FSTL5: variants seen among roughly 807,000 people sequenced by gnomAD.
The protein encoded by FSTL5 is follistatin-related protein 5.
In FSTL5, 62 loss-of-function variants were observed where a neutral mutation model predicts 89.1. The observed-to-expected ratio is 0.70, with a 90% confidence interval of 0.57 to 0.86. FSTL5 has a LOEUF of 0.86. FSTL5 is among the 40% of genes least tolerant of loss of function. The probability of loss-of-function intolerance (pLI) is 0.00; values close to 1 mark genes in which losing one functional copy is unlikely to be tolerated. For missense variants in FSTL5, 1,057 were observed against 1,001.6 expected (o/e 1.06, Z -0.75); for synonymous variants, 383 against 346.2 (o/e 1.11, Z -1.18).
chr4:161,609,163 C>A (rs1734556284), intron 7 of FSTL5, among the ~76,000 whole-genome samples: 1 of 152,036 alleles, frequency 6.6e-6, no homozygotes, highest in Non-Finnish European at 1.5e-5. Flanking sequence ...CAATGCCTGG[C>A]ACATACACAG....
intron 3 of FSTL5, among the ~76,000 whole-genome samples, chr4:161,987,590 T>C (rs28716903): frequency 6.8e-6 from 1 of 147,320 alleles, no homozygotes; most frequent in African/African-American, 2.5e-5. Flanking sequence ...AAATATATAA[T>C]AAAATATATA....
chr4:162,008,437 T>C (rs924147303), intron 3 of FSTL5, among the ~76,000 whole-genome samples: 2 of 151,842 alleles, frequency 1.3e-5, no homozygotes, highest in African/African-American at 4.8e-5. Flanking sequence ...TGATAAGAAA[T>C]ACTGCTATTT....
intron 2 of FSTL5, among the ~76,000 whole-genome samples, chr4:162,110,202 T>C (rs1171249409): frequency 6.6e-6 from 1 of 152,054 alleles, no homozygotes; most frequent in African/African-American, 2.4e-5. Context: ...ATTAATATAT[T>C]TAATAAATGT....
At chr4:161,827,113 G>C (rs1445116779) in intron 4 of FSTL5, among the ~76,000 whole-genome samples, 1 of 152,124 alleles carries the variant, frequency 6.6e-6, no homozygotes, top group Non-Finnish European at 1.5e-5. Context: ...GGACTCAAGG[G>C]CTGCTCTTAA....
chr4:162,061,983 T>A (rs1475467428), intron 2 of FSTL5, among the ~76,000 whole-genome samples: 3 of 152,074 alleles, frequency 2.0e-5, no homozygotes, highest in Non-Finnish European at 4.4e-5. Context: ...AATAAATGTT[T>A]TAAAGTGTTA....
At position 161,385,033 on chromosome 4, in the gene FSTL5, C is replaced by T. The variant is rs1320349303; in HGVS notation, c.*714G>A. On this transcript the variant is annotated 3_prime_UTR_variant, in exon 16 of 16. Coordinates refer to ENST00000306100, the MANE Select transcript of FSTL5 (RefSeq NM_020116.5). ...AATATTTTGACTGTAATTATTTTTC[C>T]TCCCTTCCTCCCCACTTTCTATAGC... The T allele has an allele frequency of 1.3e-5, 2 of 152,046 alleles. No homozygotes were observed. The highest frequency in any genetic ancestry group is 1.5e-5 in the Non-Finnish European group (1 of 67,998). The allele number at this position is 152,046 out of a possible 1,614,324, so 9.4% of individuals were successfully genotyped here.
At chr4:161,499,469 G>A (rs1474865951) in intron 12 of FSTL5, among the ~76,000 whole-genome samples, 1 of 151,926 alleles carries the variant, frequency 6.6e-6, no homozygotes, top group East Asian at 1.9e-4. Context: ...TTGTCTCCAT[G>A]TATTAGTATA....
chr4:161,792,702 G>A (rs1729516830), intron 4 of FSTL5, among the ~76,000 whole-genome samples: 1 of 152,156 alleles, frequency 6.6e-6, no homozygotes, highest in African/African-American at 2.4e-5. Context: ...GGGATGTCCT[G>A]CTTGTGACTA....
intron 7 of FSTL5, among the ~76,000 whole-genome samples, chr4:161,617,056 TTAAA>T (rs1233514392): frequency 6.6e-6 from 1 of 151,322 alleles, no homozygotes; most frequent in African/African-American, 2.4e-5. Context: ...CCAAAAGACC[TTAAA>T]TAAAGTATTA....
intron 6 of FSTL5, among the ~76,000 whole-genome samples, chr4:161,690,964 C>T (rs1400232235): frequency 6.6e-6 from 1 of 152,100 alleles, no homozygotes; most frequent in Non-Finnish European, 1.5e-5. Flanking sequence ...CATTCATGTC[C>T]CTGCAAAGCA....
In FSTL5 at chr4:161,752,340, G is replaced by T. The variant is rs1316964636; in HGVS notation, c.727+7071C>A. On this transcript the variant is annotated intron_variant, in intron 6 of 15. Coordinates refer to ENST00000306100, the MANE Select transcript of FSTL5 (RefSeq NM_020116.5). ...CCATTCCTTTTCCTTTCTCGCAAAG[G>T]CTACCATCATATTAATTCTAAAATC... 2.6e-5 allele frequency among the ~76,000 whole-genome samples: 4 copies of T among 152,170 alleles called. No homozygotes were observed. In the East Asian group the frequency reaches 7.7e-4, roughly 29 times the overall value.
At chr4:161,495,248 C>T (rs1196467797) in intron 12 of FSTL5, 2 of 151,996 alleles carry the variant, frequency 1.3e-5, no homozygotes, top group African/African-American at 4.8e-5. Flanking sequence ...AAGAAGGTGG[C>T]TGAATGTAAA....
chr4:161,878,969 T>C (rs925460507), intron 4 of FSTL5, among the ~76,000 whole-genome samples: 1 of 152,208 alleles, frequency 6.6e-6, no homozygotes, highest in Non-Finnish European at 1.5e-5. Flanking sequence ...TCTGCAATTA[T>C]GACTTGTCTC....
At chr4:161,935,670 G>T (rs1236030365) in intron 3 of FSTL5, among the ~76,000 whole-genome samples, 1 of 151,904 alleles carries the variant, frequency 6.6e-6, no homozygotes, top group East Asian at 1.9e-4. Flanking sequence ...CTCCTCCTTT[G>T]CACATGTCTC....
chr4:161,429,821 A>G (rs1732292278), intron 15 of FSTL5, among the ~76,000 whole-genome samples: 1 of 152,188 alleles, frequency 6.6e-6, no homozygotes, highest in Non-Finnish European at 1.5e-5. Flanking sequence ...GCTGCATTGA[A>G]TGTTCAATGC....
intron 3 of FSTL5, among the ~76,000 whole-genome samples, chr4:161,955,668 A>C (rs1735007957): frequency 6.6e-6 from 1 of 151,290 alleles, no homozygotes; most frequent in Non-Finnish European, 1.5e-5. Flanking sequence ...ATACATGACT[A>C]GCAGCCTAGT....
At chr4:161,827,486 T>G (rs1242417979) in intron 4 of FSTL5, among the ~76,000 whole-genome samples, 2 of 152,194 alleles carry the variant, frequency 1.3e-5, no homozygotes, top group Non-Finnish European at 2.9e-5. Context: ...ATAGGGAGGA[T>G]CAGGTGGTGA....
intron 15 of FSTL5, among the ~76,000 whole-genome samples, chr4:161,425,170 C>A (rs1377457716): frequency 2.0e-5 from 3 of 152,136 alleles, no homozygotes; most frequent in Non-Finnish European, 4.4e-5. Flanking sequence ...TAACACACTG[C>A]AAATGAGCTT....
chr4:161,466,939 G>A (rs1392824435), intron 13 of FSTL5, among the ~76,000 whole-genome samples: 1 of 151,792 alleles, frequency 6.6e-6, no homozygotes, highest in East Asian at 1.9e-4. Flanking sequence ...GTAATATTCA[G>A]TTTAAATTTT....
Sources: allele counts gnomAD v4.1 joint callset (sites outside exome capture counted in the v4.1 genomes callset), GRCh38; gene constraint gnomAD v4.1.1; transcripts MANE v1.5; gene names NCBI Gene and HGNC (gene_info 2026-07-23, HGNC 2026-07-21).